INPP1: variants seen among roughly 807,000 people sequenced by gnomAD.
INPP1 encodes inositol polyphosphate-1-phosphatase.
A neutral mutation model predicts 23.0 loss-of-function variants in INPP1; 18 were observed. The ratio of observed to expected loss-of-function variants is 0.78; its 90% CI spans 0.54 to 1.16. The LOEUF (loss-of-function observed/expected upper bound fraction) is 1.16, where lower values mean the gene tolerates loss of function less well. Among genes scored for constraint, INPP1 ranks in the 50% most tolerant of loss-of-function variants. The pLI, the probability that INPP1 is intolerant of heterozygous loss-of-function variation, is 0.00. For missense variants in INPP1, 448 were observed against 482.1 expected, an observed-to-expected ratio of 0.93 and a Z score of 0.66; for synonymous variants, 164 against 176.3, an observed-to-expected ratio of 0.93 and a Z score of 0.55.
chr2:190,360,157 G>A lies in INPP1; in HGVS notation c.55G>A (p.Ala19Thr). The change falls in exon 3 of 7, where the codon GCC becomes ACC. Residue 19 changes from alanine (A) to threonine (T), a missense_variant. By Grantham distance (58) the Ala-to-Thr change is moderately conservative. Transcript: ENST00000392329. ...TGTCTCTGAGAAGGCTGCTAACATT[G>A]CCCGGGCGTGCAGACAGCAGGAAGC... ...LCVSEKAANI[A>T]RACRQQEALF... 1 of 1,614,076 alleles carries A rather than the reference G, an allele frequency of 6.2e-7. No homozygotes were observed. The highest frequency in any genetic ancestry group is 8.5e-7 in the Non-Finnish European group (1 of 1,180,042).
rs910117568 is a variant in INPP1 at position 190,345,199 on chromosome 2, A to G, written c.-209+1238A>G. On this transcript the variant is annotated intron_variant, in intron 1 of 6. Coordinates refer to ENST00000392329, the MANE Select transcript of INPP1 (RefSeq NM_001128928.2). The surrounding 1 kb of genome is among the most constrained non-coding windows in gnomAD (Gnocchi z 4.9). ...TTAGTCATGAAGAGAATTATGTCAAATACATAGAGTTACACTGTACTTTTT... is the reference window on the plus strand; with the variant it reads ...TTAGTCATGAAGAGAATTATGTCAAGTACATAGAGTTACACTGTACTTTTT... Among the ~76,000 whole-genome samples the G allele has an allele frequency of 1.3e-5, 2 of 152,230 alleles. No homozygotes were observed. Among genetic ancestry groups the G allele is most frequent in the African/African-American group, 4.8e-5 (2 of 41,462 alleles).
chr2:190,369,247 C>G lies in INPP1; in HGVS notation c.611C>G (p.Pro204Arg). ...CCCCTGATGGGAGTCATCAATCAACCTTTTGTGTCACGAGATCCAAACACC... is the reference window on the plus strand; with the variant it reads ...CCCCTGATGGGAGTCATCAATCAACGTTTTGTGTCACGAGATCCAAACACC... ...GVPLMGVINQ[P>R]FVSRDPNTLR... is the part of the protein sequence containing the mutation. The change falls in exon 6 of 7, where the codon CCT (proline) becomes CGT (arginine). Residue 204 changes from proline to arginine, a missense_variant. Pro to Arg is a moderately radical substitution (Grantham distance 103, BLOSUM62 -2). Coordinates refer to ENST00000392329, the MANE Select transcript of INPP1 (RefSeq NM_001128928.2). 6.3e-7 allele frequency: 1 copy of G among 1,592,982 alleles called. No individual in the cohort carries two copies. The highest frequency in any genetic ancestry group is 8.6e-7 in the Non-Finnish European group (1 of 1,164,636).
intron 1 of INPP1, among the ~76,000 whole-genome samples, chr2:190,344,390 G>A (rs549976745): frequency 1.6e-4 from 25 of 152,250 alleles, no homozygotes; most frequent in Non-Finnish European, 3.2e-4. Context: ...GGTAGATGGC[G>A]CAGCTGTCAG....
In INPP1 at chr2:190,352,298, A is replaced by G. The variant is rs913139912; in HGVS notation, c.-65+3267A>G. On this transcript the variant is annotated intron_variant, in intron 2 of 6. Coordinates refer to ENST00000392329, the MANE Select transcript of INPP1 (RefSeq NM_001128928.2). The surrounding 1 kb of genome is among the most constrained non-coding windows in gnomAD (Gnocchi z 4.7). ...AAAAGGCTAAACTTAATCAGAGCCC[A>G]TGAGGTAATGACAGCAACATCACCC... Among the ~76,000 whole-genome samples, 2 of 152,220 alleles carry G rather than the reference A, an allele frequency of 1.3e-5. No individual in the cohort carries two copies. Among genetic ancestry groups the G allele is most frequent in the African/African-American group, 4.8e-5 (2 of 41,466 alleles).
intron 2 of INPP1, among the ~76,000 whole-genome samples, chr2:190,351,986 T>C (rs35085342): frequency 0.092 from 14,039 of 152,276 alleles, 1,588 homozygotes; most frequent in African/African-American, 0.26. Flanking sequence ...TTTTTTATTT[T>C]AGCTATTCCA....
intron 2 of INPP1, among the ~76,000 whole-genome samples, chr2:190,358,072 AT>A (rs749071988): frequency 0.019 from 2,093 of 111,340 alleles, 3 homozygotes; most frequent in African/African-American, 0.031. Context: ...CATTAAGGGA[AT>A]TTTTTTTTTT....
At chr2:190,349,541 G>A (rs1444920434) in intron 2 of INPP1, among the ~76,000 whole-genome samples, 2 of 152,072 alleles carry the variant, frequency 1.3e-5, no homozygotes, top group East Asian at 1.9e-4. Context: ...CCATACATCT[G>A]ACCCTTTTTT....
chr2:190,362,788 G>T, intron 4 of INPP1, 101 bp downstream of exon 4: 1 of 671,628 alleles, frequency 1.5e-6, no homozygotes, highest in South Asian at 2.5e-5. Flanking sequence ...GCCACTTACT[G>T]TAAACAACAT....
At position 190,363,350 on chromosome 2, in the gene INPP1, A is replaced by G. The variant is rs2067424; in HGVS notation, c.265+663A>G. Among the ~76,000 whole-genome samples, 62,608 of 151,988 alleles carry G rather than the reference A, an allele frequency of 0.41. 14,931 individuals are homozygous for G. Among genetic ancestry groups the G allele is most frequent in the African/African-American group, 0.66 (27,303 of 41,456 alleles). ...TGGATTCAAGCCATTCTCCTGCCTC[A>G]TCCTCCTGAGTGGCTGGGATTACAA... On this transcript the variant is annotated intron_variant, in intron 4 of 6. Coordinates refer to ENST00000392329, the MANE Select transcript of INPP1 (RefSeq NM_001128928.2). The surrounding 1 kb of genome is among the most constrained non-coding windows in gnomAD (Gnocchi z 4.4).
chr2:190,358,072 A>ATTTTTT (rs749071988), intron 2 of INPP1, among the ~76,000 whole-genome samples: 6 of 111,396 alleles, frequency 5.4e-5, no homozygotes, highest in Admixed American at 2.1e-4. Flanking sequence ...CATTAAGGGA[A>ATTTTTT]TTTTTTTTTT....
At chr2:190,358,440 ACTC>A (rs780051205) in intron 2 of INPP1, among the ~76,000 whole-genome samples, 6 of 152,012 alleles carry the variant, frequency 3.9e-5, no homozygotes, top group African/African-American at 1.2e-4. Context: ...CTGGTCCTGA[ACTC>A]CTGACCTCAA....
At chr2:190,366,110 GCT>G (rs1387996199) in intron 4 of INPP1, among the ~76,000 whole-genome samples, 2 of 122,612 alleles carry the variant, frequency 1.6e-5, no homozygotes, top group Non-Finnish European at 3.5e-5. Context: ...TGAATCTCTC[GCT>G]CTCTGTCTCG....
intron 4 of INPP1, among the ~76,000 whole-genome samples, chr2:190,366,433 CACTCTGTCTCACTCTCTCTGTCTT>C (rs1364412629): frequency 2.7e-5 from 4 of 147,396 alleles, no homozygotes; most frequent in Admixed American, 6.7e-5. Context: ...CACTCTGTCT[CACTCTGTCTCACTCTCTCTGTCTT>C]GCTCTCTCTG....
rs923905105 is a variant in INPP1 at position 190,355,721 on chromosome 2, T to C, written c.-64-4318T>C. 5.3e-5 allele frequency among the ~76,000 whole-genome samples: 8 copies of C among 152,220 alleles called. No individual in the cohort carries two copies. Among genetic ancestry groups the C allele is most frequent in the Non-Finnish European group, 1.0e-4 (7 of 68,038 alleles). ...TTACTAATCATAAGTCTATAATAAT[T>C]TTTATTTAAAGTACAGTGTTGAAAT... is the stretch of plus-strand genomic sequence containing the variant. On this transcript the variant is annotated intron_variant, in intron 2 of 6. Transcript: ENST00000392329. The surrounding 1 kb of genome is among the most constrained non-coding windows in gnomAD (Gnocchi z 5.1).
chr2:190,350,251 A>C (rs1689300471), intron 2 of INPP1, among the ~76,000 whole-genome samples: 1 of 152,356 alleles, frequency 6.6e-6, no homozygotes, highest in South Asian at 2.1e-4. Flanking sequence ...ACTACAGAAT[A>C]CTTACTATGT....
Position 190,371,234 on chromosome 2 carries a change from A to C in INPP1, c.1032A>C (p.Thr344=). Residue 344 remains threonine, a synonymous_variant, in exon 7 of 7, where the codon ACA becomes ACC. Transcript: ENST00000392329. The surrounding 1 kb of genome is among the most constrained non-coding windows in gnomAD (Gnocchi z 5.3). The part of the protein sequence containing the change: ...LKECLERNPE[T]GLDLPQLVYH... ...AATGCTTAGAAAGAAATCCAGAAAC[A>C]GGGCTTGATTTGCCACAGTTGGTGT... 1 of 1,613,226 alleles carries C rather than the reference A, an allele frequency of 6.2e-7. No individual in the cohort carries two copies. Among genetic ancestry groups the C allele is most frequent in the Non-Finnish European group, 8.5e-7 (1 of 1,179,394 alleles).
At chr2:190,364,590 A>ATTTT (rs1157989437) in intron 4 of INPP1, among the ~76,000 whole-genome samples, 2 of 50,950 alleles carry the variant, frequency 3.9e-5, no homozygotes, top group Admixed American at 2.6e-4. Flanking sequence ...TGAGGTTCTG[A>ATTTT]TTTTTTTTTT....
chr2:190,361,268 A>G (rs201608584), intron 3 of INPP1, among the ~76,000 whole-genome samples: 1 of 152,210 alleles, frequency 6.6e-6, no homozygotes, highest in Non-Finnish European at 1.5e-5. Context: ...TGCCTTTTAT[A>G]TGATAATCTA....
rs1312114972 is a variant in INPP1 at position 190,366,863 on chromosome 2, A to G, written c.434A>G (p.Gln145Arg). 6.2e-7 allele frequency: 1 copy of G among 1,613,832 alleles called. No homozygotes were observed. The highest frequency in any genetic ancestry group is 1.7e-5 in the Admixed American group (1 of 60,032). The stretch of plus-strand genomic sequence containing the variant: ...GATTCCACAGAGATCAATGTTCCAC[A>G]GGACATTTTGGGAATTTGGGTGGAC... The part of the protein sequence containing the change: ...TLDSTEINVP[Q>R]DILGIWVDPI... The change falls in exon 5 of 7, where the codon CAG becomes CGG. Residue 145 changes from glutamine to arginine, a missense_variant. Gln to Arg is a conservative substitution (Grantham distance 43, BLOSUM62 1). Transcript: ENST00000392329.
Sources: allele counts gnomAD v4.1 joint callset (sites outside exome capture counted in the v4.1 genomes callset), GRCh38; gene constraint gnomAD v4.1.1; non-coding constraint Gnocchi (gnomAD v3.1); transcripts MANE v1.5; gene names NCBI Gene and HGNC (gene_info 2026-07-23, HGNC 2026-07-21).